CTNND2: variants seen among roughly 807,000 people sequenced by gnomAD.
The protein encoded by CTNND2 is catenin delta 2.
CTNND2 carries 22 observed loss-of-function variants against 144.4 expected under a neutral mutation model. The ratio of observed to expected loss-of-function variants is 0.15; its 90% confidence interval spans 0.11 to 0.22. CTNND2 has a LOEUF of 0.22. Ranked by LOEUF, CTNND2 falls within the 10% of genes least tolerant of loss-of-function variation. The pLI is 1.00. For synonymous variants in CTNND2, 751 were observed against 695.6 expected (o/e 1.08, Z -1.25); for missense variants, 1,353 against 1,618.8 (o/e 0.84, Z 2.82).
intron 3 of CTNND2, among the ~76,000 whole-genome samples, chr5:11,510,549 C>A (rs138204653): frequency 6.6e-6 from 1 of 152,148 alleles, no homozygotes; most frequent in Middle Eastern, 3.2e-3. Flanking sequence ...TATTAGGACT[C>A]TCTATAATTA....
At chr5:11,399,104 A>C (rs1189101537) in intron 5 of CTNND2, among the ~76,000 whole-genome samples, 1 of 152,184 alleles carries the variant, frequency 6.6e-6, no homozygotes, top group Non-Finnish European at 1.5e-5. Flanking sequence ...CTATGGTGGA[A>C]AAGCAAAGGC....
intron 16 of CTNND2, among the ~76,000 whole-genome samples, chr5:11,057,932 T>A (rs1306339180): frequency 6.6e-6 from 1 of 152,172 alleles, no homozygotes; most frequent in East Asian, 1.9e-4. Context: ...AATTTGCCCC[T>A]GCCCTAGAGA....
At chr5:11,013,607 T>C (rs1741311818) in intron 18 of CTNND2, among the ~76,000 whole-genome samples, 2 of 152,178 alleles carry the variant, frequency 1.3e-5, no homozygotes, top group South Asian at 4.1e-4. Context: ...AAGTTGCAAA[T>C]AATGAGATTT....
intron 3 of CTNND2, among the ~76,000 whole-genome samples, chr5:11,463,667 C>T (rs1766416120): frequency 6.6e-6 from 1 of 150,748 alleles, no homozygotes; most frequent in African/African-American, 2.5e-5. Context: ...TGAGAGAGCA[C>T]ACATGGGGTG....
At chr5:11,144,935 G>A (rs376294650) in intron 12 of CTNND2, among the ~76,000 whole-genome samples, 2 of 152,006 alleles carry the variant, frequency 1.3e-5, no homozygotes, top group Non-Finnish European at 2.9e-5. Context: ...ACAATTGCAC[G>A]ATGGCTGCCT....
chr5:11,453,977 C>T (rs1029203461), intron 3 of CTNND2, among the ~76,000 whole-genome samples: 1 of 152,178 alleles, frequency 6.6e-6, no homozygotes, highest in Non-Finnish European at 1.5e-5. Context: ...ATTCTATCAA[C>T]ATTAACACTT....
intron 9 of CTNND2, among the ~76,000 whole-genome samples, chr5:11,247,927 G>A (rs944266136): frequency 6.6e-6 from 1 of 151,870 alleles, no homozygotes; most frequent in African/African-American, 2.4e-5. Flanking sequence ...GCTACAAAAT[G>A]GAAAAAATAA....
At chr5:11,773,895 A>C (rs1284217189) in intron 1 of CTNND2, among the ~76,000 whole-genome samples, 1 of 152,082 alleles carries the variant, frequency 6.6e-6, no homozygotes, top group Non-Finnish European at 1.5e-5. Context: ...GTATTAATAG[A>C]AGTCATTAAA....
rs551516584 is a variant in CTNND2 at position 11,118,739 on chromosome 5, T to C, written c.2160-1172A>G. On this transcript the variant is annotated intron_variant, in intron 12 of 21. Coordinates refer to ENST00000304623, the MANE Select transcript of CTNND2 (RefSeq NM_001332.4). ...CTGGAGAAGTTGAATGAAATGAATC[T>C]CCAGCCCGCTATAATTGACCCAGGT... Among the ~76,000 whole-genome samples, 4 of 152,306 alleles carry C rather than the reference T, an allele frequency of 2.6e-5. No homozygotes were observed. In the East Asian group the frequency reaches 7.7e-4, roughly 29 times the overall value.
At chr5:11,659,035 T>C (rs1783053018) in intron 2 of CTNND2, among the ~76,000 whole-genome samples, 1 of 152,156 alleles carries the variant, frequency 6.6e-6, no homozygotes, top group Admixed American at 6.6e-5. Flanking sequence ...TGTGCTTTAA[T>C]GGTAGATTAT....
intron 3 of CTNND2, among the ~76,000 whole-genome samples, chr5:11,425,731 C>T (rs1156974255): frequency 6.6e-6 from 1 of 152,166 alleles, no homozygotes; most frequent in Non-Finnish European, 1.5e-5. Context: ...CCTTAACTGC[C>T]TTGGTTGGGG....
chr5:11,200,783 A>G (rs1737346262), intron 10 of CTNND2, among the ~76,000 whole-genome samples: 1 of 151,982 alleles, frequency 6.6e-6, no homozygotes, highest in South Asian at 2.1e-4. Context: ...GGTTCACGCC[A>G]TTCTCCTGCC....
At chr5:11,734,230 T>C (rs1787552086) in intron 1 of CTNND2, among the ~76,000 whole-genome samples, 1 of 152,226 alleles carries the variant, frequency 6.6e-6, no homozygotes, top group Non-Finnish European at 1.5e-5. Context: ...AGAGCAGCCA[T>C]GACCTTGTAT....
At chr5:11,831,396 T>C (rs9654441) in intron 1 of CTNND2, among the ~76,000 whole-genome samples, 13,606 of 151,920 alleles carry the variant, frequency 0.09, 1,467 homozygotes, top group African/African-American at 0.26. Flanking sequence ...TTGCCAGGCG[T>C]GGTGGCTCAT....
At chr5:11,111,457 G>T (rs1752973069) in intron 13 of CTNND2, among the ~76,000 whole-genome samples, 1 of 152,114 alleles carries the variant, frequency 6.6e-6, no homozygotes, top group Non-Finnish European at 1.5e-5. Flanking sequence ...CTCTGGTGGG[G>T]GGCATATTTA....
chr5:11,144,586 C>T (rs890276451), intron 12 of CTNND2, among the ~76,000 whole-genome samples: 2 of 152,100 alleles, frequency 1.3e-5, no homozygotes, highest in African/African-American at 4.8e-5. Context: ...GATGTCAAGG[C>T]CTTGGGGGTC....
intron 9 of CTNND2, among the ~76,000 whole-genome samples, chr5:11,297,506 CAT>C (rs1195234798): frequency 6.6e-5 from 10 of 152,052 alleles, no homozygotes; most frequent in African/African-American, 1.9e-4. Context: ...TATTGGAAAA[CAT>C]AGTCATTTTA....
chr5:11,717,254 T>C (rs1222910035), intron 2 of CTNND2, among the ~76,000 whole-genome samples: 1 of 152,120 alleles, frequency 6.6e-6, no homozygotes, highest in African/African-American at 2.4e-5. Flanking sequence ...TTACTCACTG[T>C]ATTAGTTTGT....
chr5:11,160,007 G>A (rs1344061970), intron 11 of CTNND2, among the ~76,000 whole-genome samples: 1 of 152,232 alleles, frequency 6.6e-6, no homozygotes, highest in Non-Finnish European at 1.5e-5. Flanking sequence ...GCATAATCAA[G>A]GTTGCGAGGT....
Sources: allele counts gnomAD v4.1 joint callset (sites outside exome capture counted in the v4.1 genomes callset), GRCh38; gene constraint gnomAD v4.1.1; transcripts MANE v1.5; gene names NCBI Gene and HGNC (gene_info 2026-07-23, HGNC 2026-07-21).